HDAC9: variants seen among roughly 807,000 people sequenced by gnomAD.
HDAC9 encodes histone deacetylase 9, also known as MEF-2 interacting transcription repressor (MITR) protein.
A neutral mutation model predicts 139.4 loss-of-function variants in HDAC9; 41 were observed. That is an observed-to-expected ratio of 0.29 (90% CI 0.23 to 0.38). The LOEUF (loss-of-function observed/expected upper bound fraction) is 0.38. HDAC9 is among the 10% of genes least tolerant of loss of function. HDAC9 has a pLI of 1.00. For synonymous variants in HDAC9, 517 were observed against 476.2 expected, an observed-to-expected ratio of 1.09 and a Z score of -1.12; for missense variants, 1,147 against 1,297.0, an observed-to-expected ratio of 0.88 and a Z score of 1.78.
intron 2 of HDAC9, among the ~76,000 whole-genome samples, chr7:18,222,554 T>A (rs1792778722): frequency 6.6e-6 from 1 of 152,156 alleles, no homozygotes; most frequent in South Asian, 2.1e-4. Flanking sequence ...CAGTATACAT[T>A]AAAAAGTGAA....
intron 1 of HDAC9, among the ~76,000 whole-genome samples, chr7:18,149,874 T>G (rs1382242398): frequency 6.6e-6 from 1 of 151,912 alleles, no homozygotes; most frequent in Non-Finnish European, 1.5e-5. Context: ...TTTTTTTAAA[T>G]TTGTGGAAAT....
In HDAC9 at chr7:18,335,380, C is replaced by T. The variant is rs576476375; in HGVS notation, c.-42+44865C>T. On this transcript the variant is annotated intron_variant, in intron 1 of 3. Coordinates refer to the HDAC9 transcript ENST00000413509. The stretch of plus-strand genomic sequence containing the variant: ...GCTTCTTCAGCAGGTAGGACGGTGA[C>T]CCAGAGATCCCATCTCATGGTTCCT... Among the ~76,000 whole-genome samples, 113 of 151,512 alleles carry T rather than the reference C, an allele frequency of 7.5e-4. 1 individual carries two copies. Among genetic ancestry groups the T allele is most frequent in the South Asian group, 2.1e-4 (1 of 4,816 alleles).
chr7:18,682,044 A>G (rs936984728), intron 12 of HDAC9, among the ~76,000 whole-genome samples: 1 of 152,114 alleles, frequency 6.6e-6, no homozygotes, highest in Non-Finnish European at 1.5e-5. Context: ...GGTTAAATTT[A>G]TTAAGAAAAG....
intron 2 of HDAC9, among the ~76,000 whole-genome samples, chr7:18,254,816 GTAATAC>G (rs1224493967): frequency 7.2e-5 from 11 of 152,170 alleles, no homozygotes; most frequent in Non-Finnish European, 1.6e-4. Flanking sequence ...ATTAAGTGCA[GTAATAC>G]TAAGGTGAGT....
chr7:18,309,769 A>G (rs1015711987), intron 1 of HDAC9, among the ~76,000 whole-genome samples: 3 of 152,182 alleles, frequency 2.0e-5, no homozygotes, highest in African/African-American at 7.2e-5. Context: ...CTAAATCACT[A>G]GATTTTAAAA....
At chr7:18,894,227 A>G (rs1800962942) in intron 22 of HDAC9, among the ~76,000 whole-genome samples, 1 of 152,152 alleles carries the variant, frequency 6.6e-6, no homozygotes, top group Admixed American at 6.5e-5. Flanking sequence ...TTATCAGCAT[A>G]TAGACGCTAT....
At chr7:18,130,853 T>A (rs187293946) in intron 1 of HDAC9, among the ~76,000 whole-genome samples, 109 of 152,108 alleles carry the variant, frequency 7.2e-4, no homozygotes, top group Non-Finnish European at 8.8e-5. Context: ...TTTTTTGCCT[T>A]CAGTGTGCTA....
intron 22 of HDAC9, among the ~76,000 whole-genome samples, chr7:18,922,276 G>A (rs1302095969): frequency 6.6e-6 from 1 of 151,822 alleles, no homozygotes. Context: ...TTTATAACAA[G>A]ACACTGTGCT....
intron 2 of HDAC9, among the ~76,000 whole-genome samples, chr7:18,255,731 C>A (rs548549027): frequency 1.4e-5 from 2 of 147,104 alleles, no homozygotes; most frequent in Non-Finnish European, 3.0e-5. Context: ...AGGTTTCAAG[C>A]AACTCTCCTG....
rs1272278618 is a variant in HDAC9, at chr7:19,000,767, C to A, written c.*4705C>A. The stretch of plus-strand genomic sequence containing the variant: ...AATCTGGTGTAAACTTACAATCTAA[C>A]AAATAATTTTCTTTCAACTCTTCTC... On this transcript the variant is annotated 3_prime_UTR_variant, in exon 26 of 26. Coordinates refer to ENST00000686413, the MANE Select transcript of HDAC9 (RefSeq NM_178425.4). 2 of 152,150 alleles carry A rather than the reference C, an allele frequency of 1.3e-5. No individual in the cohort carries two copies. The highest frequency in any genetic ancestry group is 4.8e-5 in the African/African-American group (2 of 41,454). The allele number at this position is 152,150 out of a possible 1,614,324, so 9.4% of individuals were successfully genotyped here.
chr7:18,871,482 C>A lies in HDAC9; in HGVS notation c.2685-2996C>A, dbSNP rs527502627. Reference sequence around the variant, plus strand: ...ATATATACTAACCCATGGATACAGTCATCTAAATGATTCATCTATTATATA... The same window carrying A: ...ATATATACTAACCCATGGATACAGTAATCTAAATGATTCATCTATTATATA... On this transcript the variant is annotated intron_variant, in intron 21 of 25. Coordinates refer to ENST00000686413, the MANE Select transcript of HDAC9 (RefSeq NM_178425.4). Among the ~76,000 whole-genome samples, 5 of 152,268 alleles carry A rather than the reference C, an allele frequency of 3.3e-5. No homozygotes were observed. The South Asian group carries it at 1.0e-3, about 32-fold the overall frequency.
At chr7:18,714,250 G>T (rs577248260) in intron 12 of HDAC9, among the ~76,000 whole-genome samples, 1 of 152,290 alleles carries the variant, frequency 6.6e-6, no homozygotes, top group South Asian at 2.1e-4. Flanking sequence ...TGAAGATTAA[G>T]TTGCCTACTC....
intron 1 of HDAC9, among the ~76,000 whole-genome samples, chr7:18,353,523 C>T (rs749087806): frequency 8.5e-5 from 13 of 152,226 alleles, no homozygotes; most frequent in Middle Eastern, 6.8e-3. Context: ...TTATTAATGC[C>T]GATTCTTGCT....
upstream of HDAC9, among the ~76,000 whole-genome samples, chr7:18,493,739 G>T (rs181167283): frequency 6.6e-6 from 1 of 151,202 alleles, no homozygotes; most frequent in Non-Finnish European, 1.5e-5. Flanking sequence ...CAAATATACC[G>T]CAATTTAAAA....
At chr7:18,294,191 A>G (rs1797997031) in intron 1 of HDAC9, among the ~76,000 whole-genome samples, 1 of 152,128 alleles carries the variant, frequency 6.6e-6, no homozygotes, top group African/African-American at 2.4e-5. Context: ...TTCACAAAAT[A>G]TATTCTAACT....
intron 16 of HDAC9, among the ~76,000 whole-genome samples, chr7:18,769,380 C>T (rs1460679252): frequency 6.6e-6 from 1 of 152,052 alleles, no homozygotes; most frequent in East Asian, 1.9e-4. Context: ...AGAGTAAGTC[C>T]TTAGTAATGT....
intron 1 of HDAC9, among the ~76,000 whole-genome samples, chr7:18,125,713 C>G (rs1217144673): frequency 1.3e-5 from 2 of 152,060 alleles, no homozygotes; most frequent in Non-Finnish European, 2.9e-5. Flanking sequence ...TACAACTACT[C>G]TGCCCTTGTA....
intron 1 of HDAC9, among the ~76,000 whole-genome samples, chr7:18,394,092 A>G (rs1042160860): frequency 6.6e-6 from 1 of 152,306 alleles, no homozygotes; most frequent in South Asian, 2.1e-4. Flanking sequence ...CTCCCTATTA[A>G]AAGTGAGTGT....
At chr7:18,717,656 C>A (rs1178008465) in intron 12 of HDAC9, among the ~76,000 whole-genome samples, 2 of 152,022 alleles carry the variant, frequency 1.3e-5, no homozygotes, top group African/African-American at 4.8e-5. Flanking sequence ...GTCTCCAACT[C>A]CTGACTTCAG....
Sources: gnomAD v4.1 joint callset for allele counts (sites outside exome capture counted in the v4.1 genomes callset) on GRCh38, gnomAD v4.1.1 for gene constraint, MANE v1.5 for transcripts, NCBI Gene and HGNC (gene_info 2026-07-23, HGNC 2026-07-21) for gene names.